Variants in GRIK2 observed in about 807,000 individuals in gnomAD.
The protein encoded by GRIK2 is glutamate ionotropic receptor kainate type subunit 2.
A neutral mutation model predicts 100.3 loss-of-function variants in GRIK2; 32 were observed. The observed-to-expected ratio is 0.32, with a 90% CI of 0.24 to 0.43. The LOEUF (loss-of-function observed/expected upper bound fraction) is 0.43. GRIK2 is among the 20% of genes least tolerant of loss of function. The pLI is 1.00. For missense variants in GRIK2, 843 were observed against 1,114.9 expected, an observed-to-expected ratio of 0.76 and a Z score of 3.47; for synonymous variants, 417 against 389.4, an observed-to-expected ratio of 1.07 and a Z score of -0.83.
chr6:101,868,849 G>A (rs571142723), intron 11 of GRIK2, among the ~76,000 whole-genome samples: 11 of 151,908 alleles, frequency 7.2e-5, no homozygotes, highest in Admixed American at 4.6e-4. Flanking sequence ...AAAAAATTCA[G>A]TATTATTCAT....
At chr6:101,906,872 A>G (rs2128463865) in intron 12 of GRIK2, among the ~76,000 whole-genome samples, 1 of 151,924 alleles carries the variant, frequency 6.6e-6, no homozygotes, top group South Asian at 2.1e-4. Context: ...AAAGAACAAC[A>G]AATTGTTGAT....
chr6:101,979,293 G>A (rs757812654), intron 14 of GRIK2, among the ~76,000 whole-genome samples: 2 of 151,914 alleles, frequency 1.3e-5, no homozygotes, highest in African/African-American at 2.4e-5. Context: ...AGATTTTAAA[G>A]CATGTTAGAG....
chr6:101,872,341 G>A (rs769431551), intron 11 of GRIK2, among the ~76,000 whole-genome samples: 1 of 151,858 alleles, frequency 6.6e-6, no homozygotes, highest in African/African-American at 2.4e-5. Context: ...GGCATCAGGA[G>A]ACTTACAATC....
chr6:101,739,307 AT>A (rs1188678708), intron 7 of GRIK2, among the ~76,000 whole-genome samples: 1 of 152,214 alleles, frequency 6.6e-6, no homozygotes, highest in Non-Finnish European at 1.5e-5. Flanking sequence ...GGGTATATTT[AT>A]TTAAAACTCT....
intron 7 of GRIK2, among the ~76,000 whole-genome samples, chr6:101,703,811 G>T (rs902432552): frequency 1.3e-5 from 2 of 151,442 alleles, no homozygotes; most frequent in Non-Finnish European, 3.0e-5. Flanking sequence ...TTAGATAGAA[G>T]CAGGGATTGT....
chr6:101,930,846 T>TC (rs2128472445), intron 14 of GRIK2, among the ~76,000 whole-genome samples: 1 of 152,230 alleles, frequency 6.6e-6, no homozygotes, highest in Non-Finnish European at 1.5e-5. Context: ...TGTTTTTCTC[T>TC]CAAACACGAG....
chr6:101,935,405 A>G (rs940805424), intron 14 of GRIK2, among the ~76,000 whole-genome samples: 2 of 151,892 alleles, frequency 1.3e-5, no homozygotes, highest in Non-Finnish European at 2.9e-5. Flanking sequence ...GTGAAAATTG[A>G]GAAAATACAT....
rs532226434 is a variant in GRIK2, at chr6:101,578,617, A to C, written c.116-43332A>C. Reference sequence around the variant, plus strand: ...CTTGGTAATCTGAGAGGTAGCCAGGAGGGGATAGAACAGCTGTGGCCACTC... The same window carrying C: ...CTTGGTAATCTGAGAGGTAGCCAGGCGGGGATAGAACAGCTGTGGCCACTC... On this transcript the variant is annotated intron_variant, in intron 2 of 16. Coordinates refer to ENST00000369134, the MANE Select transcript of GRIK2 (RefSeq NM_021956.5). Among the ~76,000 whole-genome samples the C allele has an allele frequency of 2.0e-5, 3 of 151,594 alleles. No homozygotes were observed. The East Asian group carries it at 5.8e-4, about 29-fold the overall frequency.
intron 14 of GRIK2, among the ~76,000 whole-genome samples, chr6:102,002,353 A>G (rs1291084505): frequency 6.9e-6 from 1 of 145,390 alleles, no homozygotes; most frequent in East Asian, 2.0e-4. Flanking sequence ...GTATATGTGC[A>G]TGTATATATT....
At chr6:101,904,396 A>G (rs1231310938) in intron 12 of GRIK2, among the ~76,000 whole-genome samples, 3 of 151,400 alleles carry the variant, frequency 2.0e-5, no homozygotes, top group African/African-American at 7.3e-5. Flanking sequence ...AAACAACATC[A>G]TTGCTTCAAT....
At chr6:101,677,805 A>G (rs1562303798) in intron 5 of GRIK2, among the ~76,000 whole-genome samples, 1 of 152,148 alleles carries the variant, frequency 6.6e-6, no homozygotes, top group East Asian at 1.9e-4. Context: ...GTTAAATATA[A>G]CTGCCAATAG....
chr6:101,752,460 G>A (rs1440795019), intron 7 of GRIK2, among the ~76,000 whole-genome samples: 1 of 152,004 alleles, frequency 6.6e-6, no homozygotes, highest in South Asian at 2.1e-4. Flanking sequence ...CATTGCTTTC[G>A]ACTTAGTCAC....
intron 2 of GRIK2, among the ~76,000 whole-genome samples, chr6:101,596,234 T>A (rs1373633745): frequency 2.0e-5 from 3 of 151,092 alleles, no homozygotes; most frequent in Admixed American, 6.6e-5. Context: ...GTGTCCTTTT[T>A]TTTTTTTCCT....
At chr6:101,490,933 G>A (rs1435692648) in intron 2 of GRIK2, among the ~76,000 whole-genome samples, 1 of 138,134 alleles carries the variant, frequency 7.2e-6, no homozygotes, top group South Asian at 2.2e-4. Context: ...ACATGCATGC[G>A]TGCACATACA....
rs1304852440 is a variant in GRIK2, at chr6:101,797,684, TA to T, written c.952-1963del. Among the ~76,000 whole-genome samples the T allele has an allele frequency of 3.1e-4, 5 of 15,878 alleles. No homozygotes were observed. In the East Asian group the frequency reaches 5.7e-3, roughly 18 times the overall value. 10.4% of individuals were successfully genotyped at this position (15,878 alleles called of 152,430 possible). A position where few individuals can be genotyped will look rare whatever the true frequency, so the allele number is the denominator to read the frequency against. ...TGTATTTCCATAATAAACCATTATA[TA>T]TTTTTTTTATGTATATATTACATAT... On this transcript the variant is annotated intron_variant, in intron 7 of 16. Coordinates refer to ENST00000369134, the MANE Select transcript of GRIK2 (RefSeq NM_021956.5).
intron 7 of GRIK2, among the ~76,000 whole-genome samples, chr6:101,692,382 A>G (rs1252444870): frequency 6.6e-6 from 1 of 152,124 alleles, no homozygotes; most frequent in African/African-American, 2.4e-5. Context: ...CTTTTTAAAA[A>G]TCAATTTTAA....
chr6:101,655,716 A>G (rs1377834840), intron 4 of GRIK2, among the ~76,000 whole-genome samples: 2 of 152,216 alleles, frequency 1.3e-5, no homozygotes, highest in Admixed American at 6.5e-5. Context: ...GGTACCAACC[A>G]GTGGACATGA....
intron 7 of GRIK2, among the ~76,000 whole-genome samples, chr6:101,728,152 C>T (rs1234962331): frequency 2.0e-5 from 3 of 151,888 alleles, no homozygotes; most frequent in Non-Finnish European, 4.4e-5. Context: ...TAACTTATCA[C>T]ATATAATTAT....
chr6:101,814,041 CGTAGA>C (rs1267171183), intron 9 of GRIK2, among the ~76,000 whole-genome samples: 1 of 151,574 alleles, frequency 6.6e-6, no homozygotes, highest in Non-Finnish European at 1.5e-5. Context: ...AGATAATTTT[CGTAGA>C]GTAGATATTT....
Sources: gnomAD v4.1 joint callset for allele counts (sites outside exome capture counted in the v4.1 genomes callset) on GRCh38, gnomAD v4.1.1 for gene constraint, MANE v1.5 for transcripts, NCBI Gene and HGNC (gene_info 2026-07-23, HGNC 2026-07-21) for gene names.